The following PROSER2 variants were observed in gnomAD, a reference collection of about 807,000 sequenced individuals.
PROSER2 encodes proline and serine rich 2.
In PROSER2, 18 loss-of-function variants were observed where a neutral mutation model predicts 14.6. The ratio of observed to expected loss-of-function variants is 1.23; its 90% CI spans 0.85 to 1.83. The LOEUF (loss-of-function observed/expected upper bound fraction) is 1.83. Among genes scored for constraint, PROSER2 ranks in the 40% most tolerant of loss-of-function variants. The pLI, the probability that PROSER2 is intolerant of heterozygous loss-of-function variation, is 0.00. For synonymous variants in PROSER2, 367 were observed against 286.4 expected (o/e 1.28, Z -2.84); for missense variants, 823 against 629.8 (o/e 1.31, Z -3.28).
In PROSER2 at chr10:11,866,365, C is replaced by G. The variant is rs1834348765; in HGVS notation, c.139-166C>G. On this transcript the variant is annotated intron_variant, in intron 2 of 3. Transcript: ENST00000277570. The surrounding 1 kb of genome is among the most constrained non-coding windows in gnomAD (Gnocchi z 6.0). ...CCTTTCGGAACACGTTCTCTTCCAT[C>G]TGGGTGATGGAGAGGCACACGCAGG... is the stretch of plus-strand genomic sequence containing the variant. Among the ~76,000 whole-genome samples the G allele has an allele frequency of 2.0e-5, 3 of 152,168 alleles. No homozygotes were observed. The highest frequency in any genetic ancestry group is 2.0e-4 in the Admixed American group (3 of 15,280).
At chr10:11,842,852 T>G (rs1341685274) in intron 1 of PROSER2, among the ~76,000 whole-genome samples, 1 of 151,656 alleles carries the variant, frequency 6.6e-6, no homozygotes, top group Non-Finnish European at 1.5e-5. Flanking sequence ...TATGTGTGCG[T>G]GAATGTGTGT....
Position 11,837,700 on chromosome 10 carries a change from G to C in PROSER2, c.-82+14230G>C, listed in dbSNP as rs1177465125. On this transcript the variant is annotated intron_variant, in intron 1 of 3. Coordinates refer to ENST00000277570, the MANE Select transcript of PROSER2 (RefSeq NM_153256.4). This position sits in a 1 kb window ranked among gnomAD's most constrained non-coding sequence, Gnocchi z 4.6. Reference sequence around the variant, plus strand: ...CCTTGTGATTTGGTTGAAGCTGTCTGTAGGGAATCCAAGTCTTATAAGACA... The same window carrying C: ...CCTTGTGATTTGGTTGAAGCTGTCTCTAGGGAATCCAAGTCTTATAAGACA... 6.6e-6 allele frequency among the ~76,000 whole-genome samples: 1 copy of C among 152,246 alleles called. No individual in the cohort carries two copies. Among genetic ancestry groups the C allele is most frequent in the Non-Finnish European group, 1.5e-5 (1 of 68,044 alleles).
chr10:11,867,264 C>CAAAA (rs10560433), intron 3 of PROSER2, among the ~76,000 whole-genome samples: 9,926 of 51,268 alleles, frequency 0.19, 1,273 homozygotes, highest in South Asian at 0.25. Flanking sequence ...GACTCCGTCT[C>CAAAA]AAAAAAAAAA....
intron 1 of PROSER2, among the ~76,000 whole-genome samples, chr10:11,848,985 A>AAG (rs1274293547): frequency 2.0e-5 from 3 of 152,100 alleles, no homozygotes; most frequent in African/African-American, 7.2e-5. Context: ...TCAAGAGATC[A>AAG]AGACCATCCT....
chr10:11,859,020 A>G (rs1378554918), intron 2 of PROSER2, among the ~76,000 whole-genome samples: 1 of 101,542 alleles, frequency 9.8e-6, no homozygotes, highest in African/African-American at 3.1e-5. Flanking sequence ...AAAAAAAAAA[A>G]AAAAAAAAAA....
intron 2 of PROSER2, chr10:11,857,353 G>A (rs1272107866): frequency 1.3e-5 from 2 of 152,240 alleles, no homozygotes; most frequent in African/African-American, 2.4e-5. Context: ...AACTGTACAT[G>A]TATCTCATTC....
rs1440591180 is a variant in PROSER2, at chr10:11,870,067, G to C, written c.969G>C (p.Pro323=). Residue 323 remains proline, a synonymous_variant, in exon 4 of 4, where the codon CCG becomes CCC. Transcript: ENST00000277570. ...PERVARGRGL[P]GPAESLRAGG... ...GGGTGGCGCGTGGCCGGGGCCTGCC[G>C]GGCCCCGCTGAGAGTCTCCGGGCAG... 8.0e-7 allele frequency: 1 copy of C among 1,253,282 alleles called. No individual in the cohort carries two copies. The highest frequency in any genetic ancestry group is 1.0e-6 in the Non-Finnish European group (1 of 999,040). The allele number at this position is 1,253,282 out of a possible 1,614,324, so 77.6% of individuals were successfully genotyped here.
rs1833759056 is a variant in PROSER2, at chr10:11,836,230, T to C, written c.-82+12760T>C. 6.6e-6 allele frequency among the ~76,000 whole-genome samples: 1 copy of C among 152,034 alleles called. No homozygotes were observed. Among genetic ancestry groups the C allele is most frequent in the Non-Finnish European group, 1.5e-5 (1 of 67,994 alleles). On this transcript the variant is annotated intron_variant, in intron 1 of 3. Coordinates refer to ENST00000277570, the MANE Select transcript of PROSER2 (RefSeq NM_153256.4). The surrounding 1 kb of genome is among the most constrained non-coding windows in gnomAD (Gnocchi z 4.6). The stretch of plus-strand genomic sequence containing the variant: ...TTATTTTTTTGAGACAGAGTCTCAC[T>C]CTGTTGGCCAGGCTGGTGTGCAGTG...
At chr10:11,855,311 A>C (rs1229998850) in intron 2 of PROSER2, among the ~76,000 whole-genome samples, 2 of 150,834 alleles carry the variant, frequency 1.3e-5, no homozygotes, top group Non-Finnish European at 2.9e-5. Flanking sequence ...GTCTCTACTA[A>C]AAATACAAAA....
At chr10:11,831,954 A>T (rs1833694864) in intron 1 of PROSER2, 1 of 152,176 alleles carries the variant, frequency 6.6e-6, no homozygotes, top group African/African-American at 2.4e-5. Context: ...GACAGTTTGA[A>T]ATCAACCTCG....
At chr10:11,825,721 G>A (rs999682763) in intron 1 of PROSER2, among the ~76,000 whole-genome samples, 4 of 152,170 alleles carry the variant, frequency 2.6e-5, no homozygotes, top group African/African-American at 4.8e-5. Flanking sequence ...TTTCTAATCT[G>A]TGCATTCAGG....
rs570388937 is a variant in PROSER2 at position 11,837,921 on chromosome 10, G to A, written c.-81-14076G>A. On this transcript the variant is annotated intron_variant, in intron 1 of 3. Coordinates refer to ENST00000277570, the MANE Select transcript of PROSER2 (RefSeq NM_153256.4). The surrounding 1 kb of genome is among the most constrained non-coding windows in gnomAD (Gnocchi z 4.6). ...CCTCTTCCTGTTCGTACACCCTTGC[G>A]GTCTTCGGACTTCCCTCCTGAATTG... 1.3e-5 allele frequency among the ~76,000 whole-genome samples: 2 copies of A among 151,470 alleles called. No homozygotes were observed. The highest frequency in any genetic ancestry group is 4.2e-4 in the South Asian group (2 of 4,756).
chr10:11,865,330 A>G lies in PROSER2; in HGVS notation c.139-1201A>G, dbSNP rs1387611832. Among the ~76,000 whole-genome samples, 6 of 152,104 alleles carry G rather than the reference A, an allele frequency of 3.9e-5. No homozygotes were observed. Among genetic ancestry groups the G allele is most frequent in the East Asian group, 1.9e-4 (1 of 5,184 alleles). On this transcript the variant is annotated intron_variant, in intron 2 of 3. Coordinates refer to ENST00000277570, the MANE Select transcript of PROSER2 (RefSeq NM_153256.4). This position sits in a 1 kb window ranked among gnomAD's most constrained non-coding sequence, Gnocchi z 4.2. ...TTTTGTCCTGTAAAGAAAAAAAATC[A>G]TGCTGTTTATGGATTCAGTATCCCC... is the stretch of plus-strand genomic sequence containing the variant.
At chr10:11,850,418 T>C (rs1833996252) in intron 1 of PROSER2, 2 of 152,292 alleles carry the variant, frequency 1.3e-5, no homozygotes, top group Admixed American at 1.3e-4. Context: ...CCTGAGATGA[T>C]GGCGGGATGG....
intron 1 of PROSER2, chr10:11,850,294 G>A (rs1833994177): frequency 6.6e-6 from 1 of 152,340 alleles, no homozygotes; most frequent in Non-Finnish European, 1.5e-5. Context: ...CTAGGGATGG[G>A]CGCTGATTAA....
chr10:11,832,772 T>A (rs1332088626), intron 1 of PROSER2, among the ~76,000 whole-genome samples: 1 of 152,132 alleles, frequency 6.6e-6, no homozygotes, highest in Non-Finnish European at 1.5e-5. Flanking sequence ...TACTCTTAAG[T>A]ATTTAAGCTT....
At chr10:11,832,081 C>A (rs1833696467) in intron 1 of PROSER2, among the ~76,000 whole-genome samples, 1 of 152,162 alleles carries the variant, frequency 6.6e-6, no homozygotes, top group Non-Finnish European at 1.5e-5. Flanking sequence ...CTTTTAAAAT[C>A]TGTGTTTAAG....
intron 1 of PROSER2, among the ~76,000 whole-genome samples, chr10:11,834,282 C>G (rs113101611): frequency 0.037 from 5,568 of 151,362 alleles, 189 homozygotes; most frequent in East Asian, 0.19. Context: ...CGTGAGCCAC[C>G]GCGCCTGGCC....
intron 2 of PROSER2, among the ~76,000 whole-genome samples, chr10:11,861,615 A>G (rs1834239789): frequency 6.6e-6 from 1 of 152,178 alleles, no homozygotes; most frequent in Admixed American, 6.5e-5. Flanking sequence ...GATGGACTTG[A>G]GCAGGGAGCA....
Sources: allele counts gnomAD v4.1 joint callset (sites outside exome capture counted in the v4.1 genomes callset), GRCh38; gene constraint gnomAD v4.1.1; non-coding constraint Gnocchi (gnomAD v3.1); transcripts MANE v1.5; gene names NCBI Gene and HGNC (gene_info 2026-07-23, HGNC 2026-07-21).